Variants in CLDN16 observed in about 807,000 individuals in gnomAD.
CLDN16 encodes claudin 16.
Under a neutral mutation model 24.6 loss-of-function variants are expected in CLDN16, and 13 were observed. The observed-to-expected ratio is 0.53, with a 90% confidence interval of 0.34 to 0.84. CLDN16 has a LOEUF of 0.84. Ranked by LOEUF, CLDN16 falls within the 40% of genes least tolerant of loss-of-function variation. The probability of loss-of-function intolerance (pLI) is 0.01; values close to 1 mark genes in which losing one functional copy is unlikely to be tolerated. For synonymous variants in CLDN16, 116 were observed against 106.7 expected, an observed-to-expected ratio of 1.09 and a Z score of -0.54; for missense variants, 298 against 292.7, an observed-to-expected ratio of 1.02 and a Z score of -0.13.
At chr3:190,305,510 T>C in the CLDN16 span, among the ~76,000 whole-genome samples, 1 of 152,116 alleles carries the variant, frequency 6.6e-6, no homozygotes, top group Non-Finnish European at 1.5e-5. Flanking sequence ...TCCTCTTCTA[T>C]TACCACCCTT....
the CLDN16 span, among the ~76,000 whole-genome samples, chr3:190,315,783 G>C: frequency 6.6e-6 from 1 of 152,060 alleles, no homozygotes; most frequent in Non-Finnish European, 1.5e-5. Flanking sequence ...AAAACAGAAG[G>C]TCACTTGCCC....
chr3:190,308,851 C>T, the CLDN16 span, among the ~76,000 whole-genome samples: 3 of 152,132 alleles, frequency 2.0e-5, no homozygotes, highest in African/African-American at 4.8e-5. Context: ...TGGAGATAAT[C>T]AGAGCTTTGA....
chr3:190,395,531 A>G (rs1718795249), intron 1 of CLDN16, among the ~76,000 whole-genome samples: 1 of 151,990 alleles, frequency 6.6e-6, no homozygotes, highest in Admixed American at 6.6e-5. Context: ...AAAATTGAAA[A>G]TGTTTCCAAT....
In CLDN16 at chr3:190,410,972, C is replaced by G. The variant is rs1719266981; in HGVS notation, c.*936C>G. 1 of 152,116 alleles carries G rather than the reference C, an allele frequency of 6.6e-6. No homozygotes were observed. The highest frequency in any genetic ancestry group is 1.5e-5 in the Non-Finnish European group (1 of 68,034). 9.4% of individuals were successfully genotyped at this position (152,116 alleles called of 1,614,324 possible). On this transcript the variant is annotated 3_prime_UTR_variant, in exon 5 of 5. Transcript: ENST00000264734. ...ACGTTCACGACTTTACTTAAAAAAT[C>G]AATGTTGCGGCTGGGCACGGTAGCT...
chr3:190,303,063 TCTA>T, the CLDN16 span, among the ~76,000 whole-genome samples: 2 of 152,074 alleles, frequency 1.3e-5, no homozygotes. Context: ...TCTGTATTTT[TCTA>T]CTTTCTTCAT....
chr3:190,332,358 T>A lies in CLDN16; in HGVS notation n.121+9697T>A, dbSNP rs140145596. On this transcript the variant is annotated intron_variant and non_coding_transcript_variant, in intron 1 of 4. Coordinates refer to the CLDN16 transcript ENST00000468220. ...TAAAAATAAGATATTAATAGTTTGC[T>A]TAATATGCACCAGACAGTAAGGGCT... Among the ~76,000 whole-genome samples, 219 of 152,344 alleles carry A rather than the reference T, an allele frequency of 1.4e-3. 1 individual carries two copies. The highest frequency in any genetic ancestry group is 5.0e-3 in the Admixed American group (77 of 15,304).
intron 1 of CLDN16, among the ~76,000 whole-genome samples, chr3:190,330,066 A>T (rs1474331771): frequency 6.6e-6 from 1 of 152,082 alleles, no homozygotes; most frequent in Non-Finnish European, 1.5e-5. Flanking sequence ...ACTTAATCAT[A>T]TACATGACTG....
intron 4 of CLDN16, among the ~76,000 whole-genome samples, chr3:190,409,186 A>ACACACACGTATATGCATGTATATATG (rs1553809777): frequency 0.026 from 2,615 of 98,884 alleles, 448 homozygotes; most frequent in Non-Finnish European, 0.043. Flanking sequence ...ATGTATATAT[A>ACACACACGTATATGCATGTATATATG]CACACACGTA....
At chr3:190,359,982 G>A (rs1717851555) in intron 1 of CLDN16, among the ~76,000 whole-genome samples, 1 of 151,984 alleles carries the variant, frequency 6.6e-6, no homozygotes, top group Non-Finnish European at 1.5e-5. Context: ...ACTCTGGCTA[G>A]GGCTGGAATT....
intron 3 of CLDN16, among the ~76,000 whole-genome samples, chr3:190,381,084 T>A (rs1305305608): frequency 6.6e-6 from 1 of 151,930 alleles, no homozygotes; most frequent in Non-Finnish European, 1.5e-5. Context: ...AAATGACAAA[T>A]AAACTACAAA....
At chr3:190,384,111 C>T (rs1033168693), upstream of CLDN16, among the ~76,000 whole-genome samples, 55 of 152,176 alleles carry the variant, frequency 3.6e-4, no homozygotes, top group African/African-American at 1.3e-3. Context: ...TTTTAACCAC[C>T]GCTTTTTTTA....
At chr3:190,374,959 G>A (rs1250234956) in intron 3 of CLDN16, among the ~76,000 whole-genome samples, 2 of 151,820 alleles carry the variant, frequency 1.3e-5, no homozygotes, top group Non-Finnish European at 2.9e-5. Flanking sequence ...AGTTTACATG[G>A]CATTAGATTT....
chr3:190,303,382 A>C, the CLDN16 span, among the ~76,000 whole-genome samples: 1 of 152,226 alleles, frequency 6.6e-6, no homozygotes, highest in Non-Finnish European at 1.5e-5. Context: ...TCCAAAAAGA[A>C]GTAAAAGCCT....
At chr3:190,341,067 T>C (rs1290287162) in intron 1 of CLDN16, among the ~76,000 whole-genome samples, 2 of 152,186 alleles carry the variant, frequency 1.3e-5, no homozygotes, top group African/African-American at 4.8e-5. Flanking sequence ...GCTGCTTTCA[T>C]GGGCTGGCAT....
intron 3 of CLDN16, among the ~76,000 whole-genome samples, chr3:190,380,206 T>TC (rs1560091490): frequency 1.2e-5 from 1 of 83,558 alleles, no homozygotes; most frequent in African/African-American, 3.8e-5. Flanking sequence ...CTCCCTTCCT[T>TC]CCTTCCTCCC....
intron 3 of CLDN16, among the ~76,000 whole-genome samples, chr3:190,407,367 A>G (rs1465131285): frequency 6.6e-6 from 1 of 152,170 alleles, no homozygotes; most frequent in Non-Finnish European, 1.5e-5. Flanking sequence ...ACGTTGATAC[A>G]GCTTCAGGAT....
chr3:190,298,509 G>C, the CLDN16 span, among the ~76,000 whole-genome samples: 8 of 148,970 alleles, frequency 5.4e-5, no homozygotes, highest in Non-Finnish European at 1.2e-4. Flanking sequence ...AGGCTGGAGT[G>C]CAATGGCGTG....
chr3:190,292,816 C>A, the CLDN16 span, among the ~76,000 whole-genome samples: 1 of 152,120 alleles, frequency 6.6e-6, no homozygotes, highest in Non-Finnish European at 1.5e-5. Flanking sequence ...CATCTGAGAC[C>A]ACCTCAGCTT....
At chr3:190,312,950 A>G in the CLDN16 span, 18 of 1,613,986 alleles carry the variant, frequency 1.1e-5, no homozygotes, top group Non-Finnish European at 1.5e-5. Flanking sequence ...CACTTCATAC[A>G]CTTCATGCCA....
Sources: allele counts gnomAD v4.1 joint callset (sites outside exome capture counted in the v4.1 genomes callset), GRCh38; gene constraint gnomAD v4.1.1; transcripts MANE v1.5; gene names NCBI Gene and HGNC (gene_info 2026-07-23, HGNC 2026-07-21).